Variants in TANC2 observed in about 807,000 individuals in gnomAD.
TANC2 encodes the protein tetratricopeptide repeat, ankyrin repeat and coiled-coil containing 2, also known as protein TANC2.
In TANC2, 26 loss-of-function variants were observed where a neutral mutation model predicts 210.5. The ratio of observed to expected loss-of-function variants is 0.12; its 90% confidence interval spans 0.09 to 0.17. The LOEUF (loss-of-function observed/expected upper bound fraction) is 0.17, where lower values mean the gene tolerates loss of function less well. Ranked by LOEUF, TANC2 falls within the 10% of genes least tolerant of loss-of-function variation. TANC2 has a pLI of 1.00. For missense variants in TANC2, 2,129 were observed against 2,608.9 expected (o/e 0.82, Z 4.01); for synonymous variants, 931 against 967.1 (o/e 0.96, Z 0.69).
chr17:63,277,094 C>G (rs1031020960), intron 9 of TANC2, among the ~76,000 whole-genome samples: 1 of 152,074 alleles, frequency 6.6e-6, no homozygotes, highest in Non-Finnish European at 1.5e-5. Flanking sequence ...CTTCAGTTTT[C>G]CTCTCACTTG....
In TANC2 at chr17:63,371,239, T is replaced by C. The variant is rs374306013; in HGVS notation, c.2583-8479T>C. 4.3e-4 allele frequency among the ~76,000 whole-genome samples: 66 copies of C among 152,048 alleles called. 2 individuals are homozygous for C. The East Asian group carries it at 0.01, about 24-fold the overall frequency. On this transcript the variant is annotated intron_variant, in intron 14 of 27. Coordinates refer to ENST00000689528, the Ensembl canonical transcript of TANC2. ...CAGCACTTTGGGAGGCCGAGGCAGG[T>C]GGATCACCTGAGGTCAGGAGTTCAA...
At chr17:63,207,726 A>G (rs1273844912) in intron 7 of TANC2, among the ~76,000 whole-genome samples, 1 of 152,186 alleles carries the variant, frequency 6.6e-6, no homozygotes, top group African/African-American at 2.4e-5. Context: ...GTCGTTAGTC[A>G]TATGTATGAT....
chr17:63,346,318 A>G (rs778006288), intron 12 of TANC2, among the ~76,000 whole-genome samples: 1 of 152,242 alleles, frequency 6.6e-6, no homozygotes, highest in Non-Finnish European at 1.5e-5. Context: ...ACCACTAAGA[A>G]AAAGGAAAAG....
chr17:63,124,614 A>G (rs1324585204), intron 4 of TANC2, among the ~76,000 whole-genome samples: 2 of 152,216 alleles, frequency 1.3e-5, no homozygotes, highest in African/African-American at 4.8e-5. Context: ...TTAGAGTTCT[A>G]ATTGCTTTTT....
At chr17:63,053,734 A>C (rs577466753) in intron 2 of TANC2, among the ~76,000 whole-genome samples, 1 of 152,234 alleles carries the variant, frequency 6.6e-6, no homozygotes, top group African/African-American at 2.4e-5. Context: ...TAGTCTCCTC[A>C]TCCCCAAATC....
intron 9 of TANC2, among the ~76,000 whole-genome samples, chr17:63,311,366 GTAAA>G (rs1397639501): frequency 1.3e-5 from 2 of 152,126 alleles, no homozygotes; most frequent in Non-Finnish European, 2.9e-5. Flanking sequence ...GGTGAAAAAA[GTAAA>G]TGATGAAACA....
intron 4 of TANC2, among the ~76,000 whole-genome samples, chr17:63,109,871 C>G (rs1474687190): frequency 1.3e-5 from 2 of 151,592 alleles, no homozygotes; most frequent in African/African-American, 4.9e-5. Context: ...CTAGTTCTGC[C>G]TTGTAGAACT....
intron 14 of TANC2, among the ~76,000 whole-genome samples, chr17:63,358,376 A>AGAGAGAGAGTGTGT (rs1470682571): frequency 2.5e-5 from 2 of 80,942 alleles, no homozygotes; most frequent in African/African-American, 7.4e-5. Flanking sequence ...AGAGAGAGAG[A>AGAGAGAGAGTGTGT]GTATGTGTGT....
intron 9 of TANC2, 61 bp from the exon 10 acceptor site, chr17:63,314,327 T>A: frequency 6.3e-7 from 1 of 1,578,566 alleles, no homozygotes; most frequent in South Asian, 1.2e-5. Context: ...ATTTTTTCTC[T>A]CTTTGTTTCT....
In TANC2 at chr17:63,205,478, T is replaced by A. The variant is rs902359572; in HGVS notation, c.769+4521T>A. On this transcript the variant is annotated intron_variant, in intron 7 of 27. Transcript: ENST00000689528. ...GGATATAGGAGAGGAACAGAGAACA[T>A]AGGAGGAAATCTTTGGACATTGCAT... 5.5e-4 allele frequency among the ~76,000 whole-genome samples: 82 copies of A among 148,584 alleles called. 1 individual carries two copies. The highest frequency in any genetic ancestry group is 5.9e-5 in the Non-Finnish European group (4 of 67,574).
intron 4 of TANC2, among the ~76,000 whole-genome samples, chr17:63,103,511 A>G (rs1376397116): frequency 6.6e-6 from 1 of 152,154 alleles, no homozygotes; most frequent in Admixed American, 6.5e-5. Flanking sequence ...TTGGGTTTAT[A>G]TCCCAGCTCT....
At chr17:63,098,728 C>CA (rs995491153) in intron 3 of TANC2, among the ~76,000 whole-genome samples, 2 of 151,656 alleles carry the variant, frequency 1.3e-5, no homozygotes, top group Non-Finnish European at 2.9e-5. Context: ...ATAATAATGT[C>CA]AGTCTTACCC....
chr17:63,415,486 A>G, intron 25 of TANC2, 42 bp from the exon 26 acceptor site: 1 of 1,607,144 alleles, frequency 6.2e-7, no homozygotes, highest in South Asian at 1.1e-5. Context: ...TCAGCTGTTC[A>G]GCAGACCAAC....
At chr17:63,042,730 C>T (rs918563332) in intron 2 of TANC2, among the ~76,000 whole-genome samples, 1 of 152,016 alleles carries the variant, frequency 6.6e-6, no homozygotes, top group Admixed American at 6.6e-5. Context: ...TAAGTAGTTT[C>T]TGAGGGTATT....
chr17:63,331,574 T>C (rs548454450), intron 11 of TANC2, among the ~76,000 whole-genome samples: 1 of 152,320 alleles, frequency 6.6e-6, no homozygotes, highest in African/African-American at 2.4e-5. Context: ...CAAATTGGAA[T>C]GCTTTTTAAA....
At chr17:63,202,225 A>G (rs1382421084) in intron 7 of TANC2, among the ~76,000 whole-genome samples, 2 of 152,288 alleles carry the variant, frequency 1.3e-5, no homozygotes, top group Non-Finnish European at 2.9e-5. Flanking sequence ...GGAGTTACCA[A>G]TAGACTCCTT....
At chr17:63,299,534 C>CTTTTTTTTTTT (rs201041332) in intron 9 of TANC2, among the ~76,000 whole-genome samples, 1 of 126,546 alleles carries the variant, frequency 7.9e-6, no homozygotes, top group Non-Finnish European at 1.7e-5. Flanking sequence ...TGATGTTAAG[C>CTTTTTTTTTTT]TTTTTTTTTT....
chr17:63,366,783 G>A (rs1246058804), intron 14 of TANC2, among the ~76,000 whole-genome samples: 1 of 152,084 alleles, frequency 6.6e-6, no homozygotes, highest in Non-Finnish European at 1.5e-5. Flanking sequence ...ACAGCACAAG[G>A]GAACCAGAAA....
chr17:63,019,251 T>C (rs1232661418), intron 2 of TANC2, among the ~76,000 whole-genome samples: 2 of 152,194 alleles, frequency 1.3e-5, no homozygotes, highest in African/African-American at 4.8e-5. Flanking sequence ...AGAGTCTCGC[T>C]CTGTCACTCA....
Sources: gnomAD v4.1 joint callset for allele counts (sites outside exome capture counted in the v4.1 genomes callset) on GRCh38, gnomAD v4.1.1 for gene constraint, MANE v1.5 for transcripts, NCBI Gene and HGNC (gene_info 2026-07-23, HGNC 2026-07-21) for gene names.